The following ZNF438 variants were observed in gnomAD, a reference collection of about 807,000 sequenced individuals.
ZNF438 encodes zinc finger protein 438.
In ZNF438, 25 loss-of-function variants were observed where a neutral mutation model predicts 38.0. That is an observed-to-expected ratio of 0.66 (90% CI 0.48 to 0.92). The LOEUF is 0.92. Ranked by LOEUF, ZNF438 falls within the 40% of genes least tolerant of loss-of-function variation. The probability of loss-of-function intolerance (pLI) is 0.00; values close to 1 mark genes in which losing one functional copy is unlikely to be tolerated. For missense variants in ZNF438, 1,007 were observed against 999.6 expected (o/e 1.01, Z -0.10); for synonymous variants, 372 against 364.1 (o/e 1.02, Z -0.25).
At chr10:30,879,476 A>C (rs1190423917) in intron 3 of ZNF438, among the ~76,000 whole-genome samples, 1 of 152,236 alleles carries the variant, frequency 6.6e-6, no homozygotes, top group Non-Finnish European at 1.5e-5. Context: ...ATTATCAAGC[A>C]TGCAGAAACG....
At chr10:30,994,534 T>C (rs1474602174) in intron 1 of ZNF438, among the ~76,000 whole-genome samples, 1 of 152,208 alleles carries the variant, frequency 6.6e-6, no homozygotes, top group African/African-American at 2.4e-5. Context: ...CTGTGCCACC[T>C]TGGGACTCTG....
intron 2 of ZNF438, among the ~76,000 whole-genome samples, chr10:30,914,499 T>C (rs1281338578): frequency 6.6e-6 from 1 of 152,010 alleles, no homozygotes; most frequent in Non-Finnish European, 1.5e-5. Context: ...GAATAAGATC[T>C]AGAATGCATC....
At chr10:31,007,179 C>A (rs566216617) in intron 1 of ZNF438, among the ~76,000 whole-genome samples, 5 of 152,094 alleles carry the variant, frequency 3.3e-5, no homozygotes, top group Admixed American at 6.5e-5. Flanking sequence ...AGAAGGGAAG[C>A]CCTGCTAACA....
chr10:30,989,833 T>C (rs1265936205), intron 1 of ZNF438, among the ~76,000 whole-genome samples: 7 of 151,960 alleles, frequency 4.6e-5, no homozygotes, highest in Admixed American at 6.6e-5. Flanking sequence ...ATCTCCACCA[T>C]AGTCTCAAGT....
intron 1 of ZNF438, among the ~76,000 whole-genome samples, chr10:31,028,812 T>C (rs796997419): frequency 2.0e-5 from 3 of 152,112 alleles, no homozygotes; most frequent in African/African-American, 4.8e-5. Context: ...GGACTAGAGA[T>C]AGAGAAGTCA....
intron 1 of ZNF438, among the ~76,000 whole-genome samples, chr10:30,943,002 T>C (rs1029731800): frequency 2.0e-5 from 3 of 152,206 alleles, no homozygotes; most frequent in African/African-American, 7.2e-5. Flanking sequence ...AAACAAAGAC[T>C]TCCAATTTAA....
At position 30,939,444 on chromosome 10, in the gene ZNF438, A is replaced by G. The variant is rs183925190; in HGVS notation, c.-115+2131T>C. Reference sequence around the variant, plus strand: ...TTCCATGTTTATATATTCAATTCCCATAAGTTTGTATAGCATCCAAAAGGA... The same window carrying G: ...TTCCATGTTTATATATTCAATTCCCGTAAGTTTGTATAGCATCCAAAAGGA... On this transcript the variant is annotated intron_variant, in intron 2 of 5. Transcript: ENST00000413025. Among the ~76,000 whole-genome samples the G allele has an allele frequency of 2.4e-3, 371 of 152,328 alleles. 1 individual carries two copies. Among genetic ancestry groups the G allele is most frequent in the African/African-American group, 8.4e-3 (348 of 41,572 alleles).
intron 2 of ZNF438, among the ~76,000 whole-genome samples, chr10:30,932,546 G>T (rs932032564): frequency 6.6e-6 from 1 of 152,214 alleles, no homozygotes; most frequent in Non-Finnish European, 1.5e-5. Context: ...CACTGAGGCA[G>T]TGGGTAATCA....
intron 1 of ZNF438, among the ~76,000 whole-genome samples, chr10:30,998,965 T>G (rs779634520): frequency 6.6e-6 from 1 of 152,318 alleles, no homozygotes; most frequent in East Asian, 1.9e-4. Context: ...TGTGCAATGA[T>G]AGCTTTGATT....
chr10:30,955,391 C>T (rs1324177672), intron 1 of ZNF438, among the ~76,000 whole-genome samples: 1 of 152,184 alleles, frequency 6.6e-6, no homozygotes, highest in Non-Finnish European at 1.5e-5. Flanking sequence ...TCTGTGACTC[C>T]TTTGACCAAC....
intron 1 of ZNF438, among the ~76,000 whole-genome samples, chr10:31,015,616 C>T (rs1283141343): frequency 6.6e-6 from 1 of 152,196 alleles, no homozygotes; most frequent in Non-Finnish European, 1.5e-5. Context: ...TGCACTCCAG[C>T]CTGGGTGGCA....
At chr10:30,989,427 A>G (rs987844905) in intron 1 of ZNF438, among the ~76,000 whole-genome samples, 48 of 152,212 alleles carry the variant, frequency 3.2e-4, no homozygotes, top group Non-Finnish European at 6.5e-4. Context: ...GAAGAACAGA[A>G]TCCCAGATTC....
At chr10:30,945,961 C>T (rs2135619381) in intron 1 of ZNF438, among the ~76,000 whole-genome samples, 1 of 126,016 alleles carries the variant, frequency 7.9e-6, no homozygotes, top group East Asian at 2.2e-4. Context: ...AGTTCTAGAT[C>T]CCTGAGGAAT....
intron 2 of ZNF438, among the ~76,000 whole-genome samples, chr10:30,934,909 A>G (rs1360774502): frequency 1.3e-5 from 2 of 152,224 alleles, no homozygotes; most frequent in African/African-American, 4.8e-5. Context: ...TTGGAATACC[A>G]CAGTGTTTGG....
intron 1 of ZNF438, among the ~76,000 whole-genome samples, chr10:30,990,190 A>G (rs887163105): frequency 1.3e-5 from 2 of 151,696 alleles, no homozygotes; most frequent in African/African-American, 4.8e-5. Flanking sequence ...TATCAAAGGG[A>G]AAAAATCAAG....
chr10:30,900,682 T>A (rs145572599), intron 3 of ZNF438, among the ~76,000 whole-genome samples: 2 of 152,324 alleles, frequency 1.3e-5, no homozygotes, highest in Non-Finnish European at 2.9e-5. Context: ...TAGTAAAATG[T>A]GGAGCTGAGG....
intron 1 of ZNF438, among the ~76,000 whole-genome samples, chr10:30,953,764 C>T (rs568872748): frequency 3.9e-5 from 6 of 152,094 alleles, no homozygotes; most frequent in African/African-American, 1.2e-4. Flanking sequence ...GTTTGAACAA[C>T]ATTAATGAAA....
intron 3 of ZNF438, among the ~76,000 whole-genome samples, chr10:30,907,719 T>C (rs1031438604): frequency 1.3e-5 from 2 of 152,172 alleles, no homozygotes; most frequent in Non-Finnish European, 2.9e-5. Flanking sequence ...ATTATTCTTT[T>C]ATCCTGGTTA....
intron 2 of ZNF438, among the ~76,000 whole-genome samples, chr10:30,933,140 T>G (rs2045876778): frequency 6.6e-6 from 1 of 152,238 alleles, no homozygotes; most frequent in African/African-American, 2.4e-5. Flanking sequence ...AAATATGTCA[T>G]CCAATCAATT....
Sources: gnomAD v4.1 joint callset for allele counts (sites outside exome capture counted in the v4.1 genomes callset) on GRCh38, gnomAD v4.1.1 for gene constraint, MANE v1.5 for transcripts, NCBI Gene and HGNC (gene_info 2026-07-23, HGNC 2026-07-21) for gene names.